BAZ2B: variants seen among roughly 807,000 people sequenced by gnomAD.
The protein encoded by BAZ2B is bromodomain adjacent to zinc finger domain protein 2B.
A neutral mutation model predicts 246.0 loss-of-function variants in BAZ2B; 91 were observed. The ratio of observed to expected loss-of-function variants is 0.37; its 90% confidence interval spans 0.31 to 0.44. BAZ2B has a LOEUF of 0.44. Among genes scored for constraint, BAZ2B ranks in the 20% least tolerant of loss-of-function variants. The pLI, the probability that BAZ2B is intolerant of heterozygous loss-of-function variation, is 1.00. For missense variants in BAZ2B, 2,332 were observed against 2,533.7 expected (o/e 0.92, Z 1.71); for synonymous variants, 855 against 860.0 (o/e 0.99, Z 0.10).
chr2:159,452,434 T>C (rs556450884), intron 4 of BAZ2B, among the ~76,000 whole-genome samples: 16 of 152,330 alleles, frequency 1.1e-4, no homozygotes, highest in African/African-American at 3.8e-4. Flanking sequence ...ATTATGATTC[T>C]CGTTTTTCAG....
intron 1 of BAZ2B, among the ~76,000 whole-genome samples, chr2:159,577,749 T>C (rs537683344): frequency 8.5e-5 from 13 of 152,314 alleles, no homozygotes; most frequent in African/African-American, 3.1e-4. Flanking sequence ...CCAAAGTCCT[T>C]TTATACACCA....
intron 1 of BAZ2B, among the ~76,000 whole-genome samples, chr2:159,604,593 A>C (rs1360022413): frequency 1.3e-5 from 2 of 152,198 alleles, no homozygotes; most frequent in African/African-American, 4.8e-5. Flanking sequence ...TTTTCAAAAG[A>C]TTCCTGTCAC....
chr2:159,367,287 G>A (rs1308791512), intron 27 of BAZ2B, among the ~76,000 whole-genome samples: 1 of 152,168 alleles, frequency 6.6e-6, no homozygotes, highest in African/African-American at 2.4e-5. Flanking sequence ...TGGAACCACT[G>A]TAGGGGCTCA....
intron 25 of BAZ2B, among the ~76,000 whole-genome samples, chr2:159,378,195 T>C (rs2061618649): frequency 6.6e-6 from 1 of 152,246 alleles, no homozygotes; most frequent in Non-Finnish European, 1.5e-5. Flanking sequence ...GCAGATTGCT[T>C]ATAAATGTTA....
At chr2:159,387,012 G>C (rs953493002) in intron 21 of BAZ2B, among the ~76,000 whole-genome samples, 1 of 151,982 alleles carries the variant, frequency 6.6e-6, no homozygotes, top group African/African-American at 2.4e-5. Flanking sequence ...ATACTTATAG[G>C]GGCATGTGCA....
At chr2:159,420,392 T>A (rs2068530913) in intron 13 of BAZ2B, among the ~76,000 whole-genome samples, 1 of 152,240 alleles carries the variant, frequency 6.6e-6, no homozygotes, top group African/African-American at 2.4e-5. Flanking sequence ...AACACTGTAC[T>A]TTTTTCTAAA....
chr2:159,672,828 G>T, the BAZ2B span, among the ~76,000 whole-genome samples: 1 of 152,094 alleles, frequency 6.6e-6, no homozygotes, highest in Admixed American at 6.6e-5. Context: ...GATATATCTG[G>T]ATCAATTCTG....
the BAZ2B span, among the ~76,000 whole-genome samples, chr2:159,652,945 AT>A: frequency 0.93 from 139,349 of 149,262 alleles, 65,166 homozygotes; most frequent in Middle Eastern, 0.97. Flanking sequence ...TTTTATTTTT[AT>A]TTTTTTTTTG....
intron 1 of BAZ2B, among the ~76,000 whole-genome samples, chr2:159,572,691 T>C (rs1468703150): frequency 6.6e-6 from 1 of 152,242 alleles, no homozygotes; most frequent in Non-Finnish European, 1.5e-5. Flanking sequence ...TATTGAATTT[T>C]TCCATATAGA....
chr2:159,475,930 G>A (rs1477227739), intron 3 of BAZ2B, among the ~76,000 whole-genome samples: 2 of 152,134 alleles, frequency 1.3e-5, no homozygotes, highest in East Asian at 3.9e-4. Flanking sequence ...TCCCAGAGAG[G>A]CACCTGCCAG....
At chr2:159,372,007 T>C (rs1436655197) in intron 27 of BAZ2B, among the ~76,000 whole-genome samples, 1 of 152,222 alleles carries the variant, frequency 6.6e-6, no homozygotes, top group African/African-American at 2.4e-5. Context: ...TTGTTAGATA[T>C]TGAGATTCTG....
At chr2:159,453,855 T>G in intron 3 of BAZ2B, 54 bp from the exon 4 acceptor site, 1 of 1,334,650 alleles carries the variant, frequency 7.5e-7, no homozygotes, top group Admixed American at 3.0e-5. Context: ...AGATGAGACT[T>G]ATCTGATTTC....
intron 27 of BAZ2B, among the ~76,000 whole-genome samples, chr2:159,358,941 C>A (rs1377154166): frequency 3.9e-5 from 6 of 152,166 alleles, no homozygotes; most frequent in Non-Finnish European, 7.4e-5. Context: ...GTACCAGAAT[C>A]TCTGGGACAC....
At chr2:159,325,112 ATATT>A (rs1170104621) in intron 35 of BAZ2B, among the ~76,000 whole-genome samples, 158 bp from the exon 36 acceptor site, 1 of 5,738 alleles carries the variant, frequency 1.7e-4, no homozygotes, top group Non-Finnish European at 2.8e-4. Flanking sequence ...ATATATATAT[ATATT>A]TTATATATAT....
At chr2:159,614,981 G>C (rs1370837516) in intron 1 of BAZ2B, among the ~76,000 whole-genome samples, 1 of 152,072 alleles carries the variant, frequency 6.6e-6, no homozygotes, top group African/African-American at 2.4e-5. Context: ...AGAGACTTGG[G>C]AATAAAATTG....
intron 34 of BAZ2B, among the ~76,000 whole-genome samples, chr2:159,327,416 TA>T (rs1262618866): frequency 2.0e-5 from 3 of 152,224 alleles, no homozygotes; most frequent in Non-Finnish European, 2.9e-5. Context: ...AGGCAAACCA[TA>T]AATCCAACAC....
the BAZ2B span, among the ~76,000 whole-genome samples, chr2:159,700,509 G>A: frequency 4.6e-5 from 7 of 152,114 alleles, no homozygotes; most frequent in East Asian, 9.6e-4. Context: ...GCAGTGGTGC[G>A]ATCTCGGCTC....
At chr2:159,427,859 C>G (rs1033982573) in intron 13 of BAZ2B, 82 bp downstream of exon 13, 34 of 1,121,136 alleles carry the variant, frequency 3.0e-5, no homozygotes, top group Non-Finnish European at 4.0e-5. Flanking sequence ...AGGCAATGCT[C>G]CAGAGTGTAG....
chr2:159,504,147 CTTTAT>C (rs997406548), intron 2 of BAZ2B, among the ~76,000 whole-genome samples: 24 of 151,132 alleles, frequency 1.6e-4, no homozygotes, highest in African/African-American at 5.3e-4. Flanking sequence ...TGTAATACTT[CTTTAT>C]TTTATTTTTT....
Sources: allele counts gnomAD v4.1 joint callset (sites outside exome capture counted in the v4.1 genomes callset), GRCh38; gene constraint gnomAD v4.1.1; transcripts MANE v1.5; gene names NCBI Gene and HGNC (gene_info 2026-07-23, HGNC 2026-07-21).